The following ASS1 variants were observed in gnomAD, a reference collection of about 807,000 sequenced individuals.
ASS1 encodes the protein argininosuccinate synthase 1, also known as argininosuccinate synthase.
Under a neutral mutation model 60.5 loss-of-function variants are expected in ASS1, and 58 were observed. That is an observed-to-expected ratio of 0.96 (90% confidence interval 0.78 to 1.19). The LOEUF (loss-of-function observed/expected upper bound fraction) is 1.19, where lower values mean the gene tolerates loss of function less well. Among genes scored for constraint, ASS1 ranks in the 50% most tolerant of loss-of-function variants. The pLI, the probability that ASS1 is intolerant of heterozygous loss-of-function variation, is 0.00. For synonymous variants in ASS1, 200 were observed against 206.9 expected, an observed-to-expected ratio of 0.97 and a Z score of 0.29; for missense variants, 454 against 547.3, an observed-to-expected ratio of 0.83 and a Z score of 1.70.
In ASS1 at chr9:130,483,693, C is replaced by T. The variant is rs1305360555; in HGVS notation, c.838+3244C>T. On this transcript the variant is annotated intron_variant, in intron 11 of 14. Coordinates refer to ENST00000352480, the MANE Select transcript of ASS1 (RefSeq NM_054012.4). ...ACTTCTCCCGCCGCTCTCCCCTCTC[C>T]GCTCTCCTCCCAGCCCTGCCCGTCT... is the stretch of plus-strand genomic sequence containing the variant. 4.0e-5 allele frequency among the ~76,000 whole-genome samples: 6 copies of T among 150,784 alleles called. No homozygotes were observed. In the East Asian group the frequency reaches 5.8e-4, roughly 15 times the overall value.
chr9:130,465,887 C>T (rs1241889326), intron 5 of ASS1, among the ~76,000 whole-genome samples: 1 of 152,222 alleles, frequency 6.6e-6, no homozygotes, highest in Non-Finnish European at 1.5e-5. Flanking sequence ...CCCACAGCAG[C>T]TTGTGGGGCC....
rs981336518 is a variant in ASS1 at position 130,491,343 on chromosome 9, C to T, written c.970+1879C>T. On this transcript the variant is annotated intron_variant, in intron 12 of 14. Transcript: ENST00000352480. The surrounding 1 kb of genome is among the most constrained non-coding windows in gnomAD (Gnocchi z 5.3). ...TGGCCGGGCTGCTCCGGGGCCTCCA[C>T]GGAGGCTGATCCCACCGTGGCCGCG... Among the ~76,000 whole-genome samples, 4 of 151,906 alleles carry T rather than the reference C, an allele frequency of 2.6e-5. No individual in the cohort carries two copies. The highest frequency in any genetic ancestry group is 7.2e-5 in the African/African-American group (3 of 41,412).
chr9:130,466,509 T>C (rs1588483081), intron 5 of ASS1: 1 of 612,762 alleles, frequency 1.6e-6, no homozygotes, highest in East Asian at 2.8e-5. Context: ...CATTCTGCCA[T>C]GGAGTGCAGG....
At chr9:130,456,616 T>C (rs1214000662) in intron 3 of ASS1, among the ~76,000 whole-genome samples, 1 of 152,204 alleles carries the variant, frequency 6.6e-6, no homozygotes, top group African/African-American at 2.4e-5. Flanking sequence ...CACAGGAAGT[T>C]GCAAAAGCAG....
At chr9:130,455,003 C>T (rs1845413087) in intron 3 of ASS1, among the ~76,000 whole-genome samples, 1 of 151,038 alleles carries the variant, frequency 6.6e-6, no homozygotes, top group Non-Finnish European at 1.5e-5. Flanking sequence ...ATCATCCATC[C>T]ATCCATTCAC....
At chr9:130,480,269 T>C in intron 10 of ASS1, 116 bp from the exon 11 acceptor site, 3 of 1,156,582 alleles carry the variant, frequency 2.6e-6, no homozygotes, top group Admixed American at 3.6e-5. Flanking sequence ...TCTTAGATCC[T>C]GAAATGCTGC....
chr9:130,451,467 A>G (rs1027068356), intron 1 of ASS1: 14 of 262,162 alleles, frequency 5.3e-5, no homozygotes, highest in Non-Finnish European at 8.2e-5. Flanking sequence ...GGGCATTGGC[A>G]GAGTTGAATT....
intron 6 of ASS1, among the ~76,000 whole-genome samples, chr9:130,468,620 C>G: frequency 6.6e-6 from 1 of 152,096 alleles, no homozygotes; most frequent in South Asian, 2.1e-4. Flanking sequence ...TTTTTACAGA[C>G]AGGGTCTCAC....
intron 1 of ASS1, 88 bp from the exon 2 acceptor site, chr9:130,452,136 C>A: frequency 8.5e-7 from 1 of 1,176,148 alleles, no homozygotes; most frequent in Non-Finnish European, 1.2e-6. Flanking sequence ...CTGTCCAAGG[C>A]CAAGGTCGGG....
At chr9:130,447,725 C>T (rs952371329) in intron 1 of ASS1, among the ~76,000 whole-genome samples, 1 of 152,118 alleles carries the variant, frequency 6.6e-6, no homozygotes, top group African/African-American at 2.4e-5. Flanking sequence ...GCCTGCCAGG[C>T]GCAGCTCCCA....
intron 3 of ASS1, among the ~76,000 whole-genome samples, chr9:130,457,487 A>C (rs1008282492): frequency 1.1e-4 from 17 of 152,110 alleles, no homozygotes; most frequent in Non-Finnish European, 2.1e-4. Flanking sequence ...ACAAAAAAAA[A>C]GTTTTCACTC....
At chr9:130,464,353 C>G (rs1025342208) in intron 5 of ASS1, among the ~76,000 whole-genome samples, 186 bp downstream of exon 5, 1 of 152,214 alleles carries the variant, frequency 6.6e-6, no homozygotes, top group African/African-American at 2.4e-5. Flanking sequence ...AGGGGACACA[C>G]TTTCTTCCCC....
chr9:130,471,345 C>T (rs1845861265), intron 7 of ASS1, 140 bp from the exon 8 acceptor site: 2 of 1,052,542 alleles, frequency 1.9e-6, no homozygotes, highest in African/African-American at 1.6e-5. Flanking sequence ...CAGAATGTTT[C>T]AGGCAGGTTG....
At position 130,470,801 on chromosome 9, in the gene ASS1, C is replaced by G; in HGVS notation, c.496-33C>G. 1 of 1,610,486 alleles carries G rather than the reference C, an allele frequency of 6.2e-7. No homozygotes were observed. The highest frequency in any genetic ancestry group is 1.1e-5 in the South Asian group (1 of 91,026). On this transcript the variant is annotated intron_variant, in intron 6 of 14. Coordinates refer to ENST00000352480, the MANE Select transcript of ASS1 (RefSeq NM_054012.4). This position sits in a 1 kb window ranked among gnomAD's most constrained non-coding sequence, Gnocchi z 4.3. The stretch of plus-strand genomic sequence containing the variant: ...GGACCTCACGCGTCCTTCCAGCCGC[C>G]TTACCTCCACCTGTGCTGTCTCTTT...
intron 13 of ASS1, among the ~76,000 whole-genome samples, 179 bp from the exon 14 acceptor site, chr9:130,499,326 C>T (rs1036935155): frequency 6.6e-6 from 1 of 152,230 alleles, no homozygotes; most frequent in African/African-American, 2.4e-5. Flanking sequence ...TGGCCCAGAA[C>T]AGGGTTCCCT....
rs77343702 is a variant in ASS1 at position 130,471,523 on chromosome 9, C to T, written c.597+8C>T. The T allele has an allele frequency of 9.0e-3, 14,459 of 1,613,784 alleles. 977 individuals are homozygous for T. The African/African-American group carries it at 0.16, about 18-fold the overall frequency. On this transcript the variant is annotated splice_region_variant and intron_variant, in intron 8 of 14. Transcript: ENST00000352480. The stretch of plus-strand genomic sequence containing the variant: ...ATCCTGGAGAACCCCAAGGTAATCC[C>T]CCAAACCCCATCTCCTCCCAGCTGG...
At chr9:130,452,148 C>A in intron 1 of ASS1, 76 bp from the exon 2 acceptor site, 1 of 1,291,322 alleles carries the variant, frequency 7.7e-7, no homozygotes, top group Non-Finnish European at 1.1e-6. Flanking sequence ...AAGGTCGGGG[C>A]TGGGCTGTCT....
At chr9:130,498,409 A>G (rs1846654824) in intron 13 of ASS1, among the ~76,000 whole-genome samples, 1 of 152,224 alleles carries the variant, frequency 6.6e-6, no homozygotes, top group Admixed American at 6.5e-5. Flanking sequence ...ATCTGAGTCC[A>G]CGTGCCCTAA....
At chr9:130,480,517 T>C in intron 11 of ASS1, 68 bp downstream of exon 11, 2 of 1,539,974 alleles carry the variant, frequency 1.3e-6, no homozygotes, top group East Asian at 2.3e-5. Context: ...CCTGAGACCC[T>C]GTCCCCTTTG....
Sources: allele counts gnomAD v4.1 joint callset (sites outside exome capture counted in the v4.1 genomes callset), GRCh38; gene constraint gnomAD v4.1.1; non-coding constraint Gnocchi (gnomAD v3.1); transcripts MANE v1.5; gene names NCBI Gene and HGNC (gene_info 2026-07-23, HGNC 2026-07-21).